The following NECTIN1 variants were observed in gnomAD, a reference collection of about 807,000 sequenced individuals.
NECTIN1 encodes the protein nectin cell adhesion molecule 1.
Under a neutral mutation model 48.0 loss-of-function variants are expected in NECTIN1, and 23 were observed. The observed-to-expected ratio is 0.48, with a 90% CI of 0.34 to 0.68. The LOEUF is 0.68. NECTIN1 is among the 30% of genes least tolerant of loss of function. NECTIN1 has a pLI of 0.01. For missense variants in NECTIN1, 591 were observed against 709.9 expected, an observed-to-expected ratio of 0.83 and a Z score of 1.90; for synonymous variants, 270 against 288.9, an observed-to-expected ratio of 0.93 and a Z score of 0.66.
rs1864747338 is a variant in NECTIN1, at chr11:119,665,307, GA to G, written c.1004-11del. ...GGGGTGTAGGGGAATTCTGGGTGAG[GA>G]AAAGAGATGGAGGGGACAGCATCAG... On this transcript the variant is annotated splice_polypyrimidine_tract_variant and intron_variant, in intron 5 of 5. Transcript: ENST00000264025. The surrounding 1 kb of genome is among the most constrained non-coding windows in gnomAD (Gnocchi z 5.1). 1 of 1,535,570 alleles carries G rather than the reference GA, an allele frequency of 6.5e-7. No homozygotes were observed. Among genetic ancestry groups the G allele is most frequent in the Non-Finnish European group, 8.8e-7 (1 of 1,141,262 alleles).
intron 5 of NECTIN1, among the ~76,000 whole-genome samples, chr11:119,669,126 T>C (rs898144921): frequency 1.3e-5 from 2 of 152,208 alleles, no homozygotes; most frequent in African/African-American, 4.8e-5. Context: ...TAATTGAAAA[T>C]GCAGGCTGGG....
At chr11:119,653,470 C>T (rs1043484407) in intron 5 of NECTIN1, among the ~76,000 whole-genome samples, 2 of 152,228 alleles carry the variant, frequency 1.3e-5, no homozygotes, top group African/African-American at 4.8e-5. Context: ...CAGCCCTGCC[C>T]TGAGGGACAC....
rs555716531 is a variant in NECTIN1 at position 119,683,530 on chromosome 11, G to A, written c.80-4765C>T. Among the ~76,000 whole-genome samples, 1 of 151,624 alleles carries A rather than the reference G, an allele frequency of 6.6e-6. No homozygotes were observed. The highest frequency in any genetic ancestry group is 2.4e-5 in the African/African-American group (1 of 41,200). On this transcript the variant is annotated intron_variant, in intron 1 of 5. Transcript: ENST00000264025. This position sits in a 1 kb window ranked among gnomAD's most constrained non-coding sequence, Gnocchi z 4.0. ...ATTGCATCTGCAGGTCACCTGACTG[G>A]GTGTCAGGTGATAGGTCAGAAACAG...
chr11:119,665,379 G>C lies in NECTIN1; in HGVS notation c.1004-82C>G. Reference sequence around the variant, plus strand: ...AGGGGGTGGGAGGGAGGCAGGGAAAGGAGAGGCCAGGAAGGACAGGCTGTC... The same window carrying C: ...AGGGGGTGGGAGGGAGGCAGGGAAACGAGAGGCCAGGAAGGACAGGCTGTC... On this transcript the variant is annotated intron_variant, in intron 5 of 5. Coordinates refer to ENST00000264025, the MANE Select transcript of NECTIN1 (RefSeq NM_002855.5). The surrounding 1 kb of genome is among the most constrained non-coding windows in gnomAD (Gnocchi z 5.1). The C allele has an allele frequency of 1.3e-6, 2 of 1,487,284 alleles. No homozygotes were observed. Among genetic ancestry groups the C allele is most frequent in the Non-Finnish European group, 1.8e-6 (2 of 1,122,402 alleles). The allele number at this position is 1,487,284 out of a possible 1,614,324, so 92.1% of individuals were successfully genotyped here.
intron 1 of NECTIN1, among the ~76,000 whole-genome samples, chr11:119,699,419 G>A (rs897423946): frequency 6.6e-6 from 1 of 152,108 alleles, no homozygotes; most frequent in African/African-American, 2.4e-5. Flanking sequence ...CTCTCTCTGC[G>A]TCCTTCTCCC....
At chr11:119,676,571 C>G (rs1864952911) in intron 4 of NECTIN1, among the ~76,000 whole-genome samples, 1 of 152,218 alleles carries the variant, frequency 6.6e-6, no homozygotes, top group Admixed American at 6.5e-5. Context: ...AAGGCGAAGG[C>G]AAGGCAAGGC....
At position 119,662,036 on chromosome 11, in the gene NECTIN1, T is replaced by C; in HGVS notation, c.*2711A>G. Reference sequence around the variant, plus strand: ...CACATTAGAACAATATCAAAATCTGTAAGGAAACAGGGGCATGGGTGTGGG... The same window carrying C: ...CACATTAGAACAATATCAAAATCTGCAAGGAAACAGGGGCATGGGTGTGGG... On this transcript the variant is annotated 3_prime_UTR_variant, in exon 6 of 6. Transcript: ENST00000264025. The surrounding 1 kb of genome is among the most constrained non-coding windows in gnomAD (Gnocchi z 5.3). 4.1e-6 allele frequency: 4 copies of C among 984,492 alleles called. No individual in the cohort carries two copies. The highest frequency in any genetic ancestry group is 3.6e-6 in the Non-Finnish European group (3 of 829,620). The allele number at this position is 984,492 out of a possible 1,614,324, so 61.0% of individuals were successfully genotyped here.
intron 1 of NECTIN1, among the ~76,000 whole-genome samples, chr11:119,699,438 C>G (rs991510389): frequency 1.1e-4 from 17 of 152,184 alleles, no homozygotes; most frequent in African/African-American, 3.6e-4. Flanking sequence ...CCCAGGCCGG[C>G]CACACCCAGC....
Position 119,675,202 on chromosome 11 carries a change from G to A in NECTIN1, c.960C>T (p.Asn320=), listed in dbSNP as rs774873106. The A allele has an allele frequency of 2.5e-6, 4 of 1,614,188 alleles. No individual in the cohort carries two copies. The highest frequency in any genetic ancestry group is 1.1e-5 in the South Asian group (1 of 91,078). ...CCTGGCCTGAGCGTGTACCGATGGGGTTGGTGGCCTCACAGATGTAGGTCC... is the reference window on the plus strand; with the variant it reads ...CCTGGCCTGAGCGTGTACCGATGGGATTGGTGGCCTCACAGATGTAGGTCC... The part of the protein sequence containing the change: ...LAGTYICEAT[N]PIGTRSGQVE... The change falls in exon 5 of 6, where the codon AAC becomes AAT. Residue 320 remains asparagine, a synonymous_variant. Coordinates refer to ENST00000264025, the MANE Select transcript of NECTIN1 (RefSeq NM_002855.5).
intron 5 of NECTIN1, among the ~76,000 whole-genome samples, chr11:119,650,111 G>T (rs1032376309): frequency 8.5e-5 from 13 of 152,130 alleles, no homozygotes; most frequent in Admixed American, 6.6e-5. Flanking sequence ...GGTACTCAGT[G>T]GGGGAGCTTT....
At chr11:119,701,121 G>T (rs900669496) in intron 1 of NECTIN1, among the ~76,000 whole-genome samples, 1 of 152,168 alleles carries the variant, frequency 6.6e-6, no homozygotes, top group African/African-American at 2.4e-5. Context: ...CCAGCCATTC[G>T]CTGTGTGGCC....
chr11:119,676,900 C>A, intron 4 of NECTIN1: 1 of 622,776 alleles, frequency 1.6e-6, no homozygotes, highest in Non-Finnish European at 2.9e-6. Context: ...GTTCCATTGA[C>A]CTTGACACTG....
chr11:119,695,918 T>C (rs1189044525), intron 1 of NECTIN1, among the ~76,000 whole-genome samples: 1 of 152,152 alleles, frequency 6.6e-6, no homozygotes, highest in Non-Finnish European at 1.5e-5. Context: ...TTTGTAGATG[T>C]TGAAATTAAG....
At chr11:119,721,494 T>C (rs1234458710) in intron 1 of NECTIN1, among the ~76,000 whole-genome samples, 1 of 152,248 alleles carries the variant, frequency 6.6e-6, no homozygotes. Flanking sequence ...CACCAGCCAG[T>C]GGAACTAATG....
chr11:119,681,946 G>A (rs902753164), intron 1 of NECTIN1, among the ~76,000 whole-genome samples: 3 of 152,186 alleles, frequency 2.0e-5, no homozygotes, highest in African/African-American at 7.2e-5. Context: ...CCCATGGGGT[G>A]AGCATAAGGG....
chr11:119,726,077 T>A (rs1271358889), intron 1 of NECTIN1, among the ~76,000 whole-genome samples: 3 of 152,200 alleles, frequency 2.0e-5, no homozygotes, highest in Non-Finnish European at 4.4e-5. Flanking sequence ...ATAGCCAGAT[T>A]GGGAGTGTTT....
chr11:119,667,294 C>G (rs542814792), intron 5 of NECTIN1, among the ~76,000 whole-genome samples: 1 of 152,224 alleles, frequency 6.6e-6, no homozygotes, highest in Non-Finnish European at 1.5e-5. Flanking sequence ...CCCCCCTCCT[C>G]GGTTCTCACC....
chr11:119,638,689 C>T, intron 7 of NECTIN1: 1 of 1,565,488 alleles, frequency 6.4e-7, no homozygotes, highest in Non-Finnish European at 8.8e-7. Flanking sequence ...TTTCTCCCTC[C>T]CCGCAGTCCA....
chr11:119,638,704 C>A (rs200357345), intron 7 of NECTIN1: 35 of 1,602,286 alleles, frequency 2.2e-5, no homozygotes, highest in Non-Finnish European at 2.6e-5. Flanking sequence ...AGTCCAGGGA[C>A]CTTGTCCTCT....
Sources: allele counts gnomAD v4.1 joint callset (sites outside exome capture counted in the v4.1 genomes callset), GRCh38; gene constraint gnomAD v4.1.1; non-coding constraint Gnocchi (gnomAD v3.1); transcripts MANE v1.5; gene names NCBI Gene and HGNC (gene_info 2026-07-23, HGNC 2026-07-21).